The following LAMB2 variants were observed in gnomAD, a reference collection of about 807,000 sequenced individuals.
The protein encoded by LAMB2 is laminin subunit beta 2.
In LAMB2, 119 loss-of-function variants were observed where a neutral mutation model predicts 202.7. The ratio of observed to expected loss-of-function variants is 0.59; its 90% confidence interval spans 0.51 to 0.68. The LOEUF (loss-of-function observed/expected upper bound fraction) is 0.68. LAMB2 is among the 30% of genes least tolerant of loss of function. The pLI, the probability that LAMB2 is intolerant of heterozygous loss-of-function variation, is 0.00. For missense variants in LAMB2, 2,124 were observed against 2,410.6 expected (o/e 0.88, Z 2.49); for synonymous variants, 818 against 902.2 (o/e 0.91, Z 1.67).
Position 49,132,870 on chromosome 3 carries a change from T to A in LAMB2, c.-3A>T, listed in dbSNP as rs370406697. On this transcript the variant is annotated 5_prime_UTR_variant, in exon 1 of 32. Coordinates refer to ENST00000305544, the MANE Select transcript of LAMB2 (RefSeq NM_002292.4). The surrounding 1 kb of genome is among the most constrained non-coding windows in gnomAD (Gnocchi z 4.6). ...CTTTCCCTTGAGGTCAGCTCCATCC[T>A]GAAGAGGGGAACAGGGATAAGGGGA... 1.9e-6 allele frequency: 3 copies of A among 1,613,698 alleles called. No individual in the cohort carries two copies. The African/African-American group carries it at 4.0e-5, about 22-fold the overall frequency.
In LAMB2 at chr3:49,130,665, A is replaced by C; in HGVS notation, c.1036+75T>G. 6.2e-7 allele frequency: 1 copy of C among 1,604,418 alleles called. No homozygotes were observed. The highest frequency in any genetic ancestry group is 8.5e-7 in the Non-Finnish European group (1 of 1,176,746). ...AGCCTGGGTTTTAGGGGCTTGACCA[A>C]CTAGCTCTAGGTTCTACCCAGGGCA... On this transcript the variant is annotated intron_variant, in intron 8 of 31. Transcript: ENST00000305544. The surrounding 1 kb of genome is among the most constrained non-coding windows in gnomAD (Gnocchi z 5.0).
At position 49,131,338 on chromosome 3, in the gene LAMB2, C is replaced by G. The variant is rs372658795; in HGVS notation, c.712+41G>C. ...ACTGAGGCCCCAAATAGTCCCTAGC[C>G]GGACACGGACTGTGCCAGACTCAAA... On this transcript the variant is annotated intron_variant, in intron 6 of 31. Coordinates refer to ENST00000305544, the MANE Select transcript of LAMB2 (RefSeq NM_002292.4). The surrounding 1 kb of genome is among the most constrained non-coding windows in gnomAD (Gnocchi z 5.0). The G allele has an allele frequency of 2.7e-4, 427 of 1,604,960 alleles. No individual in the cohort carries two copies. The highest frequency in any genetic ancestry group is 3.5e-4 in the Non-Finnish European group (416 of 1,172,272).
rs121912490 is a variant in LAMB2 at position 49,130,334 on chromosome 3, A to T, written c.1122T>A (p.Cys374Ter). The change falls in exon 9 of 32, where the codon TGT becomes TGA. Residue 374 changes from cysteine to a stop codon, truncating the protein, a stop_gained. Transcript: ENST00000305544. LOFTEE classifies it high-confidence loss of function. The surrounding 1 kb of genome is among the most constrained non-coding windows in gnomAD (Gnocchi z 5.0). ...CAGCTGTGTTATGCTGACATCCATC[A>T]CACACACCTCCACTCACATTGCCAG... ...LASGNVSGGV[C>*]DGCQHNTAGR... 1 of 1,614,096 alleles carries T rather than the reference A, an allele frequency of 6.2e-7. No homozygotes were observed. The highest frequency in any genetic ancestry group is 8.5e-7 in the Non-Finnish European group (1 of 1,180,012).
At position 49,132,600 on chromosome 3, in the gene LAMB2, C is replaced by G. The variant is rs1181620450; in HGVS notation, c.140G>C (p.Cys47Ser). Residue 47 changes from cysteine to serine, a missense_variant, in exon 2 of 32, where the codon TGC (cysteine) becomes TCC (serine). Physicochemically the swap from Cys to Ser is moderately radical, Grantham distance 112 (BLOSUM62 -1). Around this residue, in one of 3 missense-constraint regions of LAMB2, gnomAD observed 166 missense variants for 158.2 expected, o/e 1.05. Coordinates refer to ENST00000305544, the MANE Select transcript of LAMB2 (RefSeq NM_002292.4). The surrounding 1 kb of genome is among the most constrained non-coding windows in gnomAD (Gnocchi z 4.6). ...CAGCAGGTCGCCCGTGGCGGGGTAGCAGCTTCCCCTGGAACAGCCAGGCAC... is the reference window on the plus strand; with the variant it reads ...CAGCAGGTCGCCCGTGGCGGGGTAGGAGCTTCCCCTGGAACAGCCAGGCAC... ...PDVPGCSRGS[C>S]YPATGDLLVG... 1.2e-6 allele frequency: 2 copies of G among 1,613,668 alleles called. No homozygotes were observed. Among genetic ancestry groups the G allele is most frequent in the East Asian group, 4.5e-5 (2 of 44,882 alleles).
chr3:49,124,707 A>G lies in LAMB2; in HGVS notation c.3103T>C (p.Cys1035Arg). 6.2e-7 allele frequency: 1 copy of G among 1,614,184 alleles called. No individual in the cohort carries two copies. Among genetic ancestry groups the G allele is most frequent in the Non-Finnish European group, 8.5e-7 (1 of 1,180,024 alleles). ...GFHGQAARQS[C>R]HRCTCNLLGT... The stretch of plus-strand genomic sequence containing the variant: ...CTCCCACACTCATACTCACGGTGAC[A>G]GCTCTGTCGGGCAGCCTGCCCATGG... The change falls in exon 21 of 32, where the codon TGT (cysteine) becomes CGT (arginine). Residue 1035 changes from cysteine (C) to arginine (R), a missense_variant. Physicochemically the swap from Cys to Arg is radical, Grantham distance 180. Around this residue, in one of 3 missense-constraint regions of LAMB2, gnomAD observed 1,702 missense variants for 1,896.3 expected, o/e 0.90. Coordinates refer to ENST00000305544, the MANE Select transcript of LAMB2 (RefSeq NM_002292.4).
In LAMB2 at chr3:49,130,023, C is replaced by T. The variant is rs545564814; in HGVS notation, c.1226-5G>A. 1.0e-4 allele frequency: 162 copies of T among 1,613,694 alleles called. No homozygotes were observed. In the Admixed American group the frequency reaches 2.2e-3, roughly 22 times the overall value. The stretch of plus-strand genomic sequence containing the variant: ...CCATGGGGTCACAATCACAGGCTGA[C>T]GGCAAAAAGAGATACAGGGTCACTC... On this transcript the variant is annotated splice_polypyrimidine_tract_variant and splice_region_variant and intron_variant, in intron 9 of 31. Coordinates refer to ENST00000305544, the MANE Select transcript of LAMB2 (RefSeq NM_002292.4). This position sits in a 1 kb window ranked among gnomAD's most constrained non-coding sequence, Gnocchi z 5.0.
In LAMB2 at chr3:49,124,004, T is replaced by G. The variant is rs765996794; in HGVS notation, c.3521A>C (p.Asp1174Ala). 1.2e-6 allele frequency: 2 copies of G among 1,613,502 alleles called. No individual in the cohort carries two copies. The highest frequency in any genetic ancestry group is 1.7e-5 in the Admixed American group (1 of 60,018). Reference protein sequence around the residue: ...CRPGVSGVRCDQCARGFSGIF... With the variant: ...CRPGVSGVRCAQCARGFSGIF... ...TCCTGAGAAGCCACGGGCACACTGG[T>G]CACAGCGCACACCAGACACCCCTGG... Residue 1174 changes from aspartate (D) to alanine (A), a missense_variant, in exon 24 of 32, where the codon GAC (aspartate) becomes GCC (alanine). Physicochemically the swap from Asp to Ala is moderately radical, Grantham distance 126 (BLOSUM62 -2). Around this residue, in one of 3 missense-constraint regions of LAMB2, gnomAD observed 1,702 missense variants for 1,896.3 expected, o/e 0.90. Coordinates refer to ENST00000305544, the MANE Select transcript of LAMB2 (RefSeq NM_002292.4).
In LAMB2 at chr3:49,125,269, C is replaced by T. The variant is rs2107639460; in HGVS notation, c.2704G>A (p.Gly902Ser). ...CAGTCTCACCTTTCACAGTGCTCAC[C>T]CCCTGTGTGATCACGGCAGCCCAGG... Reference protein sequence around the residue: ...ACLGCRDHTGGEHCERCIAGF... With the variant: ...ACLGCRDHTGSEHCERCIAGF... The change falls in exon 19 of 32, where the codon GGT becomes AGT. Residue 902 changes from glycine to serine, a missense_variant. By Grantham distance (56) the Gly-to-Ser change is moderately conservative. Transcript: ENST00000305544. 2 of 1,613,952 alleles carry T rather than the reference C, an allele frequency of 1.2e-6. No homozygotes were observed. Among genetic ancestry groups the T allele is most frequent in the Non-Finnish European group, 1.7e-6 (2 of 1,180,022 alleles).
At position 49,128,902 on chromosome 3, in the gene LAMB2, C is replaced by T. The variant is rs956316598; in HGVS notation, c.1732-83G>A. 71 of 1,598,538 alleles carry T rather than the reference C, an allele frequency of 4.4e-5. No homozygotes were observed. In the African/African-American group the frequency reaches 9.1e-4, roughly 20 times the overall value. On this transcript the variant is annotated intron_variant, in intron 13 of 31. Transcript: ENST00000305544. ...CAGCCAGCCCCAAACCCCATTTCTC[C>T]TGCCAAAGCTAGATATCACCCCTAT...
Position 49,121,119 on chromosome 3 carries a change from G to A in LAMB2, c.*107C>T, listed in dbSNP as rs1575523054. 4.5e-6 allele frequency: 6 copies of A among 1,346,614 alleles called. No homozygotes were observed. Among genetic ancestry groups the A allele is most frequent in the East Asian group, 2.4e-5 (1 of 42,046 alleles). The allele number at this position is 1,346,614 out of a possible 1,614,324, so 83.4% of individuals were successfully genotyped here. On this transcript the variant is annotated 3_prime_UTR_variant, in exon 32 of 32. Coordinates refer to ENST00000305544, the MANE Select transcript of LAMB2 (RefSeq NM_002292.4). ...TCAGAGTCCAGACAACACAGTGGGG[G>A]TTCACACTGGTTTATTGGGGGCCCT...
rs1188203180 is a variant in LAMB2 at position 49,121,537 on chromosome 3, C to A, written c.5156G>T (p.Arg1719Leu). ...TGCAGCCAGCACACCTTGGGCCTTG[C>A]GCTCAGCTAGGGCCTTCACCGTCTG... is the stretch of plus-strand genomic sequence containing the variant. The part of the protein sequence containing the change: ...QYQTVKALAE[R>L]KAQGVLAAQA... The change falls in exon 31 of 32, where the codon CGC becomes CTC. Residue 1719 changes from arginine (R) to leucine (L), a missense_variant. Transcript: ENST00000305544. 14 of 1,614,060 alleles carry A rather than the reference C, an allele frequency of 8.7e-6. No homozygotes were observed. Among genetic ancestry groups the A allele is most frequent in the Non-Finnish European group, 1.2e-5 (14 of 1,180,042 alleles).
rs777565363 is a variant in LAMB2 at position 49,128,583 on chromosome 3, G to A, written c.1893C>T (p.Val631=). The change falls in exon 15 of 32, where the codon GTC becomes GTT. Residue 631 remains valine, a splice_region_variant and synonymous_variant. Coordinates refer to ENST00000305544, the MANE Select transcript of LAMB2 (RefSeq NM_002292.4). ...GTTCCAACTCTGCCCATTGCTCAGG[G>A]ACCTGGGAAAACGGGATGATGGAGG... ...YDLLLRLEPQ[V]PEQWAELELI... 3.7e-6 allele frequency: 6 copies of A among 1,614,130 alleles called. No homozygotes were observed. The South Asian group carries it at 4.4e-5, about 12-fold the overall frequency.
rs774352333 is a variant in LAMB2 at position 49,122,260 on chromosome 3, G to A, written c.4684C>T (p.Arg1562Ter). The A allele has an allele frequency of 1.1e-5, 17 of 1,613,458 alleles. No individual in the cohort carries two copies. The highest frequency in any genetic ancestry group is 2.2e-5 in the East Asian group (1 of 44,878). The change falls in exon 28 of 32, where the codon CGA (arginine) becomes TGA (stop). Residue 1562 changes from arginine (R) to a stop codon, truncating the protein, a stop_gained. Transcript: ENST00000305544. LOFTEE classifies it high-confidence loss of function. The part of the protein sequence containing the change: ...IQHLAGAIAE[R>*]VRSLADVDAI... ...TCCACATCTGCCAGGCTCCGGACTC[G>A]CTCTGCAATCGCACCCGCCAGGTGC...
Position 49,129,330 on chromosome 3 carries a change from C to G in LAMB2, c.1519-6G>C, listed in dbSNP as rs755545118. ...CTCAGGCCCCAGTGGCCAGGCTGCA[C>G]GAAAGGAGTTGCTGGGGGCCAGAAA... is the stretch of plus-strand genomic sequence containing the variant. On this transcript the variant is annotated splice_polypyrimidine_tract_variant and splice_region_variant and intron_variant, in intron 11 of 31. Transcript: ENST00000305544. This position sits in a 1 kb window ranked among gnomAD's most constrained non-coding sequence, Gnocchi z 6.1. The G allele has an allele frequency of 2.5e-6, 4 of 1,610,880 alleles. No homozygotes were observed. The highest frequency in any genetic ancestry group is 1.3e-5 in the African/African-American group (1 of 74,872).
In LAMB2 at chr3:49,129,706, A is replaced by G; in HGVS notation, c.1416T>C (p.Cys472=). Residue 472 remains cysteine, a synonymous_variant, in exon 11 of 32, where the codon TGT becomes TGC. Coordinates refer to ENST00000305544, the MANE Select transcript of LAMB2 (RefSeq NM_002292.4). The surrounding 1 kb of genome is among the most constrained non-coding windows in gnomAD (Gnocchi z 6.1). The part of the protein sequence containing the change: ...SDRLGCRRCQ[C]NARGTVPGST... ...TCCCAGGCACTGTGCCCCGTGCATT[A>G]CATTGACATCCTGCAGGGAAGGAGA... The G allele has an allele frequency of 3.1e-6, 5 of 1,613,922 alleles. No homozygotes were observed. The highest frequency in any genetic ancestry group is 4.2e-6 in the Non-Finnish European group (5 of 1,179,768).
chr3:49,129,712 A>G lies in LAMB2; in HGVS notation c.1410T>C (p.Cys470=), dbSNP rs1422325068. ...SISDRLGCRR[C]QCNARGTVPG... ...GCACTGTGCCCCGTGCATTACATTG[A>G]CATCCTGCAGGGAAGGAGAACCATC... The change falls in exon 11 of 32, where the codon TGT becomes TGC. Residue 470 remains cysteine, a synonymous_variant. Transcript: ENST00000305544. This position sits in a 1 kb window ranked among gnomAD's most constrained non-coding sequence, Gnocchi z 6.1. The G allele has an allele frequency of 1.9e-6, 3 of 1,613,638 alleles. No individual in the cohort carries two copies. The African/African-American group carries it at 4.0e-5, about 22-fold the overall frequency.
In LAMB2 at chr3:49,130,823, C is replaced by G. The variant is rs752001542; in HGVS notation, c.953G>C (p.Gly318Ala). 1 of 1,614,160 alleles carries G rather than the reference C, an allele frequency of 6.2e-7. No homozygotes were observed. Residue 318 changes from glycine (G) to alanine (A), a missense_variant, in exon 8 of 32, where the codon GGC becomes GCC. By Grantham distance (60) the Gly-to-Ala change is moderately conservative (BLOSUM62 0). This residue lies in a region of LAMB2 where 256 missense variants were observed against 356.1 expected (regional missense o/e 0.72). Transcript: ENST00000305544. The surrounding 1 kb of genome is among the most constrained non-coding windows in gnomAD (Gnocchi z 5.0). ...ATCCTGACACTGCTCGCAGTTGAGG[C>G]CACGTGTGTTGTGTTTGCAGATGCA... is the stretch of plus-strand genomic sequence containing the variant. ...GACICKHNTR[G>A]LNCEQCQDFY...
Position 49,124,410 on chromosome 3 carries a change from G to A in LAMB2, c.3312C>T (p.Gly1104=). The part of the protein sequence containing the change: ...PCACHPSRAR[G]PTCNEFTGQC... ...GGTCCCATACCTCGTTGCAGGTGGGGCCTCTGGCCCGGCTTGGGTGGCAGG... is the reference window on the plus strand; with the variant it reads ...GGTCCCATACCTCGTTGCAGGTGGGACCTCTGGCCCGGCTTGGGTGGCAGG... Residue 1104 remains glycine, a synonymous_variant, in exon 22 of 32, where the codon GGC becomes GGT. Transcript: ENST00000305544. The A allele has an allele frequency of 6.2e-7, 1 of 1,613,586 alleles. No individual in the cohort carries two copies. Among genetic ancestry groups the A allele is most frequent in the Non-Finnish European group, 8.5e-7 (1 of 1,179,806 alleles).
In LAMB2 at chr3:49,132,238, C is replaced by G. The variant is rs760323101; in HGVS notation, c.385+32G>C. ...GGACTCAAAGCTACTGGTGGGCAGC[C>G]CTGCTCACTTTTGCCCCACCCATGG... On this transcript the variant is annotated intron_variant, in intron 3 of 31. Coordinates refer to ENST00000305544, the MANE Select transcript of LAMB2 (RefSeq NM_002292.4). This position sits in a 1 kb window ranked among gnomAD's most constrained non-coding sequence, Gnocchi z 4.6. 6.2e-7 allele frequency: 1 copy of G among 1,614,178 alleles called. No individual in the cohort carries two copies. The highest frequency in any genetic ancestry group is 8.5e-7 in the Non-Finnish European group (1 of 1,180,020).
Sources: gnomAD v4.1 joint callset for allele counts on GRCh38, gnomAD v4.1.1 for gene constraint, gnomAD v4.1.1 regional missense constraint, Gnocchi (gnomAD v3.1) non-coding constraint, MANE v1.5 for transcripts, NCBI Gene and HGNC (gene_info 2026-07-23, HGNC 2026-07-21) for gene names.